Variants in WWOX observed in about 807,000 individuals in gnomAD.
The protein encoded by WWOX is WW domain-containing oxidoreductase.
In WWOX, 69 loss-of-function variants were observed where a neutral mutation model predicts 46.2. The observed-to-expected ratio is 1.49, with a 90% CI of 1.23 to 1.82. The LOEUF (loss-of-function observed/expected upper bound fraction) is 1.82, where lower values mean the gene tolerates loss of function less well. WWOX is among the 40% of genes most tolerant of loss of function. The pLI is 0.00. For missense variants in WWOX, 919 were observed against 542.6 expected, an observed-to-expected ratio of 1.69 and a Z score of -6.89; for synonymous variants, 359 against 202.6, an observed-to-expected ratio of 1.77 and a Z score of -6.56.
At chr16:79,041,830 A>G (rs1329519917) in intron 8 of WWOX, among the ~76,000 whole-genome samples, 1 of 152,070 alleles carries the variant, frequency 6.6e-6, no homozygotes, top group Non-Finnish European at 1.5e-5. Flanking sequence ...ACAAACCTAG[A>G]AGGGATAATA....
In WWOX at chr16:78,499,071, T is replaced by C. The variant is rs565104739; in HGVS notation, c.1056+66319T>C. ...TGGTTTTATTGTAGTTTCATCCTTG[T>C]TGAGTCAATAATTAACTGAGTTTGA... is the stretch of plus-strand genomic sequence containing the variant. On this transcript the variant is annotated intron_variant, in intron 8 of 8. Transcript: ENST00000566780. Among the ~76,000 whole-genome samples the C allele has an allele frequency of 5.3e-5, 8 of 152,348 alleles. No individual in the cohort carries two copies. In the East Asian group the frequency reaches 1.2e-3, roughly 22 times the overall value.
At chr16:78,789,896 G>A (rs1248218238) in intron 8 of WWOX, among the ~76,000 whole-genome samples, 2 of 152,136 alleles carry the variant, frequency 1.3e-5, no homozygotes. Flanking sequence ...AAATCAGACA[G>A]TTGTAAACTT....
chr16:78,236,049 G>A (rs1012655714), intron 5 of WWOX, among the ~76,000 whole-genome samples: 10 of 152,222 alleles, frequency 6.6e-5, no homozygotes, highest in Non-Finnish European at 1.5e-4. Context: ...GGACGGATGT[G>A]TTCCAATAAA....
chr16:78,557,109 T>C (rs956095065), intron 8 of WWOX, among the ~76,000 whole-genome samples: 2 of 152,190 alleles, frequency 1.3e-5, no homozygotes, highest in Non-Finnish European at 2.9e-5. Context: ...GAAGGATGAT[T>C]GTGAGAAGTC....
At chr16:78,829,429 G>A (rs762623198) in intron 8 of WWOX, among the ~76,000 whole-genome samples, 2 of 152,182 alleles carry the variant, frequency 1.3e-5, no homozygotes, top group Admixed American at 1.3e-4. Context: ...AGGGCAATCA[G>A]TTTTACTCAG....
At chr16:78,344,099 A>T (rs13334206) in intron 5 of WWOX, among the ~76,000 whole-genome samples, 1 of 117,536 alleles carries the variant, frequency 8.5e-6, no homozygotes, top group South Asian at 2.6e-4. Flanking sequence ...ACGGTCAGGT[A>T]TATCATCCTA....
chr16:78,736,322 TG>T (rs1337361089), intron 8 of WWOX, among the ~76,000 whole-genome samples: 2 of 152,088 alleles, frequency 1.3e-5, no homozygotes, highest in Admixed American at 1.3e-4. Context: ...CCAGGTGTCT[TG>T]GGCAAGGTGG....
chr16:78,189,593 A>C (rs1227563984), intron 5 of WWOX, among the ~76,000 whole-genome samples: 1 of 152,222 alleles, frequency 6.6e-6, no homozygotes, highest in African/African-American at 2.4e-5. Context: ...AGTAGTTAAC[A>C]GCCAGTGGCT....
intron 1 of WWOX, among the ~76,000 whole-genome samples, chr16:78,105,162 G>A (rs893870093): frequency 1.3e-5 from 2 of 152,160 alleles, no homozygotes; most frequent in South Asian, 2.1e-4. Context: ...AGGCAGCCCC[G>A]CAACAAAGAA....
intron 5 of WWOX, among the ~76,000 whole-genome samples, chr16:78,303,034 A>G (rs1358094670): frequency 6.6e-6 from 1 of 152,214 alleles, no homozygotes; most frequent in Non-Finnish European, 1.5e-5. Context: ...GGGAAGATAG[A>G]TGCTCTTATT....
At chr16:78,114,119 C>A (rs938461091) in intron 3 of WWOX, among the ~76,000 whole-genome samples, 6 of 146,470 alleles carry the variant, frequency 4.1e-5, no homozygotes, top group African/African-American at 1.5e-4. Context: ...TAATGGTTAC[C>A]CAGGGTCTTG....
At chr16:78,650,451 C>G (rs2046941838) in intron 8 of WWOX, among the ~76,000 whole-genome samples, 1 of 152,152 alleles carries the variant, frequency 6.6e-6, no homozygotes. Flanking sequence ...GCTTCCTAGG[C>G]TGTCCACCAT....
At chr16:78,273,659 T>C (rs762771346) in intron 5 of WWOX, among the ~76,000 whole-genome samples, 8 of 152,122 alleles carry the variant, frequency 5.3e-5, no homozygotes, top group East Asian at 1.9e-4. Flanking sequence ...GCAAAAGTGA[T>C]TGCAGTGAGT....
At chr16:79,198,058 C>G (rs947916578) in intron 8 of WWOX, among the ~76,000 whole-genome samples, 3 of 152,212 alleles carry the variant, frequency 2.0e-5, no homozygotes, top group East Asian at 3.9e-4. Context: ...GGCATGGTGG[C>G]TCATGCCTAT....
chr16:78,409,250 A>G (rs897945821), intron 6 of WWOX, among the ~76,000 whole-genome samples: 12 of 149,194 alleles, frequency 8.0e-5, no homozygotes, highest in Admixed American at 7.3e-4. Context: ...ACTGTACAAT[A>G]AAAGGGTGAA....
intron 8 of WWOX, among the ~76,000 whole-genome samples, chr16:78,559,658 C>T (rs74029565): frequency 0.026 from 4,032 of 152,244 alleles, 157 homozygotes; most frequent in African/African-American, 0.086. Flanking sequence ...TTGTGTATTC[C>T]GGGAGGATTT....
chr16:78,857,118 A>C (rs955577447), intron 8 of WWOX, among the ~76,000 whole-genome samples: 7 of 152,244 alleles, frequency 4.6e-5, no homozygotes, highest in African/African-American at 1.7e-4. Flanking sequence ...GTCATTATGC[A>C]GTGTGTGATA....
At chr16:78,660,831 G>A (rs1307825815) in intron 8 of WWOX, among the ~76,000 whole-genome samples, 1 of 152,142 alleles carries the variant, frequency 6.6e-6, no homozygotes, top group Non-Finnish European at 1.5e-5. Context: ...ATGCAACTGA[G>A]ACTATTGGCT....
chr16:78,614,532 C>A (rs763516230), intron 8 of WWOX, among the ~76,000 whole-genome samples: 1 of 152,214 alleles, frequency 6.6e-6, no homozygotes, highest in East Asian at 1.9e-4. Flanking sequence ...ACTTCTGAAG[C>A]TGACCTTGGG....
Sources: allele counts gnomAD v4.1 joint callset (sites outside exome capture counted in the v4.1 genomes callset), GRCh38; gene constraint gnomAD v4.1.1; transcripts MANE v1.5; gene names NCBI Gene and HGNC (gene_info 2026-07-23, HGNC 2026-07-21).